BRD4: variants seen among roughly 807,000 people sequenced by gnomAD.
The protein encoded by BRD4 is bromodomain-containing protein 4.
A neutral mutation model predicts 142.1 loss-of-function variants in BRD4; 16 were observed. The ratio of observed to expected loss-of-function variants is 0.11; its 90% CI spans 0.08 to 0.17. The LOEUF is 0.17. Ranked by LOEUF, BRD4 falls within the 10% of genes least tolerant of loss-of-function variation. The pLI is 1.00. For missense variants in BRD4, 1,424 were observed against 1,810.9 expected (o/e 0.79, Z 3.88); for synonymous variants, 833 against 707.5 (o/e 1.18, Z -2.82).
rs2047764064 is a variant in BRD4 at position 15,289,402 on chromosome 19, T to C, written c.-34-16269A>G. Among the ~76,000 whole-genome samples the C allele has an allele frequency of 6.6e-5, 10 of 151,960 alleles. 1 individual carries two copies. The highest frequency in any genetic ancestry group is 6.6e-4 in the Admixed American group (10 of 15,250). On this transcript the variant is annotated intron_variant, in intron 1 of 19. Coordinates refer to ENST00000679869, the MANE Select transcript of BRD4 (RefSeq NM_001379291.1). ...CCCCGTCTCTACTAAAAATATAAAATTGGCCGGGCATGGTGGCACATGTCT... is the reference window on the plus strand; with the variant it reads ...CCCCGTCTCTACTAAAAATATAAAACTGGCCGGGCATGGTGGCACATGTCT...
At chr19:15,323,178 TAAAAAAAAAAAAAAA>T (rs1017018376) in intron 1 of BRD4, among the ~76,000 whole-genome samples, 1 of 73,050 alleles carries the variant, frequency 1.4e-5, no homozygotes, top group Non-Finnish European at 2.4e-5. Context: ...TCCATCTCTT[TAAAAAAAAAAAAAAA>T]AAAAAAAAAA....
chr19:15,269,782 C>A (rs1329406094), intron 2 of BRD4, among the ~76,000 whole-genome samples: 1 of 152,222 alleles, frequency 6.6e-6, no homozygotes, highest in Non-Finnish European at 1.5e-5. Context: ...AAGTGCCAAA[C>A]AGAAGGAGCC....
chr19:15,302,912 G>A (rs1272868477), intron 1 of BRD4, among the ~76,000 whole-genome samples: 1 of 150,664 alleles, frequency 6.6e-6, no homozygotes, highest in Admixed American at 6.6e-5. Context: ...AGAGGCCGAG[G>A]CAGGAGAATG....
At chr19:15,297,411 A>G (rs2047832203) in intron 1 of BRD4, among the ~76,000 whole-genome samples, 1 of 152,134 alleles carries the variant, frequency 6.6e-6, no homozygotes, top group Non-Finnish European at 1.5e-5. Context: ...CAACGTACAC[A>G]CGATACAGAG....
Position 15,303,908 on chromosome 19 carries a change from A to T in BRD4, c.-35+28382T>A, listed in dbSNP as rs919648778. Reference sequence around the variant, plus strand: ...TGACAAAGTCCTTGATCAAGATGCCAGCAAGAACATTCACCACAACAGACT... The same window carrying T: ...TGACAAAGTCCTTGATCAAGATGCCTGCAAGAACATTCACCACAACAGACT... On this transcript the variant is annotated intron_variant, in intron 1 of 19. Transcript: ENST00000679869. Among the ~76,000 whole-genome samples the T allele has an allele frequency of 4.6e-4, 70 of 152,210 alleles. 5 individuals carry two copies. Among genetic ancestry groups the T allele is most frequent in the Non-Finnish European group, 4.4e-5 (3 of 68,036 alleles).
At chr19:15,250,572 G>A (rs2047333315) in intron 11 of BRD4, among the ~76,000 whole-genome samples, 1 of 152,176 alleles carries the variant, frequency 6.6e-6, no homozygotes, top group Non-Finnish European at 1.5e-5. Flanking sequence ...TAAAATAGCT[G>A]GACTGCGCTC....
chr19:15,248,186 CA>C (rs2047308387), intron 11 of BRD4: 2 of 220,118 alleles, frequency 9.1e-6, no homozygotes, highest in Admixed American at 5.8e-5. Context: ...GATTTGTGAC[CA>C]AAAAAGGGCT....
rs919241276 is a variant in BRD4 at position 15,321,600 on chromosome 19, G to A, written c.-35+10690C>T. 2.3e-4 allele frequency among the ~76,000 whole-genome samples: 35 copies of A among 152,154 alleles called. 1 individual carries two copies. The highest frequency in any genetic ancestry group is 8.2e-4 in the African/African-American group (34 of 41,480). ...GAACAAGTACTGAAGTCATTGTGGA[G>A]CCCTTAGATTCAACTACTCTTGAGC... is the stretch of plus-strand genomic sequence containing the variant. On this transcript the variant is annotated intron_variant, in intron 1 of 19. Transcript: ENST00000679869.
At position 15,243,084 on chromosome 19, in the gene BRD4, C is replaced by T. The variant is rs1474327516; in HGVS notation, c.2985G>A (p.Arg995=). 1 of 1,503,064 alleles carries T rather than the reference C, an allele frequency of 6.7e-7. No individual in the cohort carries two copies. The highest frequency in any genetic ancestry group is 1.4e-5 in the African/African-American group (1 of 70,452). 93.1% of individuals were successfully genotyped at this position (1,503,064 alleles called of 1,614,324 possible). The change falls in exon 14 of 20, where the codon CGG becomes CGA. Residue 995 remains arginine, a synonymous_variant. Coordinates refer to ENST00000679869, the MANE Select transcript of BRD4 (RefSeq NM_001379291.1). ...ACTGCATGGGCTGCAAGTGCACGGG[C>T]CGTGGAGGGGGCTGATGCTGCTGCT... The part of the protein sequence containing the change: ...PPQQQHQPPP[R]PVHLQPMQFS...
intron 1 of BRD4, among the ~76,000 whole-genome samples, chr19:15,292,842 G>GAAAAAAAA (rs2047794541): frequency 7.5e-6 from 1 of 132,680 alleles, no homozygotes; most frequent in Non-Finnish European, 1.6e-5. Context: ...AGAAAAGCCT[G>GAAAAAAAA]AAACATCCCC....
intron 1 of BRD4, among the ~76,000 whole-genome samples, chr19:15,278,921 A>G (rs2047679002): frequency 6.6e-6 from 1 of 152,114 alleles, no homozygotes; most frequent in South Asian, 2.1e-4. Flanking sequence ...GACTCACTGT[A>G]ACCTCCGCCT....
intron 1 of BRD4, among the ~76,000 whole-genome samples, chr19:15,330,933 T>C (rs1443863472): frequency 6.6e-6 from 1 of 152,154 alleles, no homozygotes; most frequent in Non-Finnish European, 1.5e-5. Context: ...CCGACCATTG[T>C]TACAGCCCCA....
intron 1 of BRD4, among the ~76,000 whole-genome samples, chr19:15,300,152 G>C (rs1376595244): frequency 6.6e-6 from 1 of 152,128 alleles, no homozygotes; most frequent in Non-Finnish European, 1.5e-5. Context: ...GGCTGAGGAG[G>C]GAGGACCGCT....
In BRD4 at chr19:15,265,586, G is replaced by A. The variant is rs749620806; in HGVS notation, c.617C>T (p.Pro206Leu). The change falls in exon 5 of 20, where the codon CCG (proline) becomes CTG (leucine). Residue 206 changes from proline to leucine, a missense_variant. By Grantham distance (98) the Pro-to-Leu change is moderately conservative. Around this residue, in one of 16 missense-constraint regions of BRD4, gnomAD observed 140 missense variants for 131.7 expected, o/e 1.06. Coordinates refer to ENST00000679869, the MANE Select transcript of BRD4 (RefSeq NM_001379291.1). ...VPNTTQASTPPQTQTPQPNPP... is the reference protein window; with the variant it reads ...VPNTTQASTPLQTQTPQPNPP... ...ATTCGGCTGAGGGGTCTGGGTCTGC[G>A]GAGGAGTCGATGCTTGAGTTGTGTT... 7.4e-6 allele frequency: 12 copies of A among 1,613,982 alleles called. No homozygotes were observed. The Admixed American group carries it at 8.3e-5, about 11-fold the overall frequency.
intron 10 of BRD4, among the ~76,000 whole-genome samples, chr19:15,254,673 G>C (rs1316456339): frequency 6.6e-6 from 1 of 151,904 alleles, no homozygotes; most frequent in African/African-American, 2.4e-5. Context: ...AGAGACCCCC[G>C]GGGGTCTCTC....
intron 14 of BRD4, among the ~76,000 whole-genome samples, chr19:15,242,193 C>A (rs1351868540): frequency 6.6e-6 from 1 of 152,008 alleles, no homozygotes; most frequent in Non-Finnish European, 1.5e-5. Flanking sequence ...ACCCGGTACA[C>A]ACCCAAGACA....
intron 11 of BRD4, chr19:15,253,444 A>C (rs1244814759): frequency 2.8e-6 from 3 of 1,068,740 alleles, no homozygotes; most frequent in African/African-American, 1.6e-5. Flanking sequence ...GTGGGCTCTA[A>C]TGGGGAACCC....
chr19:15,295,094 T>A (rs912210480), intron 1 of BRD4, among the ~76,000 whole-genome samples: 6 of 152,212 alleles, frequency 3.9e-5, no homozygotes, highest in African/African-American at 1.4e-4. Flanking sequence ...AACCATATTG[T>A]TGAAGTTGAA....
intron 9 of BRD4, 46 bp from the exon 10 acceptor site, chr19:15,255,638 G>A: frequency 6.5e-7 from 1 of 1,548,876 alleles, no homozygotes; most frequent in South Asian, 1.2e-5. Flanking sequence ...GCCCCCTGAG[G>A]AAGCCAGGCA....
Sources: allele counts gnomAD v4.1 joint callset (sites outside exome capture counted in the v4.1 genomes callset), GRCh38; gene constraint gnomAD v4.1.1; regional missense constraint gnomAD v4.1.1; transcripts MANE v1.5; gene names NCBI Gene and HGNC (gene_info 2026-07-23, HGNC 2026-07-21).